Variants in SLC35D4 observed in about 807,000 individuals in gnomAD.
SLC35D4 encodes the protein UDP-N-acetylglucosamine transporter SLC35D4.
chr18:23,352,312 T>G, the SLC35D4 span: 10 of 1,589,968 alleles, frequency 6.3e-6, no homozygotes, highest in East Asian at 2.3e-4. Context: ...AAGATTCTCT[T>G]GTTAGTGAGG....
At chr18:23,411,479 G>GAGACAGAAAGAAAGAA in the SLC35D4 span, among the ~76,000 whole-genome samples, 1 of 72,778 alleles carries the variant, frequency 1.4e-5, no homozygotes, top group African/African-American at 4.8e-5. Flanking sequence ...AAGAAAGAAA[G>GAGACAGAAAGAAAGAA]AGATAGAAAG....
chr18:23,349,211 T>C, the SLC35D4 span, among the ~76,000 whole-genome samples: 2 of 152,262 alleles, frequency 1.3e-5, no homozygotes, highest in South Asian at 2.1e-4. Context: ...TTTCAACAAA[T>C]TGATTTCTTC....
chr18:23,274,961 TTG>T, the SLC35D4 span, among the ~76,000 whole-genome samples: 4 of 150,448 alleles, frequency 2.7e-5, no homozygotes, highest in African/African-American at 4.9e-5. Flanking sequence ...ATATGTGTGC[TTG>T]TGTGTGCGCT....
At chr18:23,431,810 AT>A in the SLC35D4 span, among the ~76,000 whole-genome samples, 4 of 152,026 alleles carry the variant, frequency 2.6e-5, no homozygotes, top group Non-Finnish European at 5.9e-5. Flanking sequence ...TATCTTTTCC[AT>A]TTTTTTCCTA....
chr18:23,291,440 C>T, the SLC35D4 span, among the ~76,000 whole-genome samples: 1 of 152,220 alleles, frequency 6.6e-6, no homozygotes, highest in African/African-American at 2.4e-5. Context: ...GCTTTTGTGG[C>T]AGGAATTCAT....
chr18:23,416,303 C>T, the SLC35D4 span, among the ~76,000 whole-genome samples: 2 of 152,134 alleles, frequency 1.3e-5, no homozygotes, highest in Non-Finnish European at 2.9e-5. Context: ...CCTATGCTGC[C>T]CAGTCTTAAC....
the SLC35D4 span, among the ~76,000 whole-genome samples, chr18:23,263,124 C>G: frequency 6.6e-6 from 1 of 152,196 alleles, no homozygotes; most frequent in Non-Finnish European, 1.5e-5. Flanking sequence ...GCCAATGACA[C>G]ACGATTATGA....
the SLC35D4 span, among the ~76,000 whole-genome samples, chr18:23,367,403 G>A: frequency 6.6e-6 from 1 of 152,184 alleles, no homozygotes; most frequent in Non-Finnish European, 1.5e-5. Flanking sequence ...AGAGGTTGCA[G>A]AGGGTGGGGG....
chr18:23,336,813 A>T, the SLC35D4 span, among the ~76,000 whole-genome samples: 2 of 152,308 alleles, frequency 1.3e-5, no homozygotes, highest in East Asian at 1.9e-4. Flanking sequence ...AGACAGTAAC[A>T]GGCTCCCCAC....
the SLC35D4 span, among the ~76,000 whole-genome samples, chr18:23,303,148 A>T: frequency 2.6e-5 from 4 of 152,176 alleles, no homozygotes; most frequent in Non-Finnish European, 5.9e-5. Flanking sequence ...ACGCTTGAAC[A>T]CGCCTAGTAT....
chr18:23,400,262 CA>C, the SLC35D4 span, among the ~76,000 whole-genome samples: 1 of 152,188 alleles, frequency 6.6e-6, no homozygotes, highest in Admixed American at 6.5e-5. Flanking sequence ...AATTTAGAAT[CA>C]AAATCCTAGT....
chr18:23,413,602 A>G, the SLC35D4 span, among the ~76,000 whole-genome samples: 6 of 152,236 alleles, frequency 3.9e-5, no homozygotes, highest in African/African-American at 1.4e-4. Flanking sequence ...CTGCAGGAAA[A>G]GCACAGAACA....
the SLC35D4 span, among the ~76,000 whole-genome samples, chr18:23,361,348 A>C: frequency 1.3e-5 from 2 of 152,128 alleles, no homozygotes; most frequent in African/African-American, 2.4e-5. Flanking sequence ...GTAATAAGCA[A>C]GTGAAAAAGA....
chr18:23,353,322 A>T, the SLC35D4 span, among the ~76,000 whole-genome samples: 2 of 152,134 alleles, frequency 1.3e-5, no homozygotes, highest in Admixed American at 6.5e-5. Context: ...ATCTGACCTT[A>T]TACAGGCACT....
At chr18:23,377,522 T>G in the SLC35D4 span, 7 of 850,814 alleles carry the variant, frequency 8.2e-6, no homozygotes, top group Admixed American at 1.4e-4. Flanking sequence ...TAGGGATATA[T>G]GAATGTTTAT....
At chr18:23,380,868 A>G in the SLC35D4 span, among the ~76,000 whole-genome samples, 1 of 152,138 alleles carries the variant, frequency 6.6e-6, no homozygotes, top group Non-Finnish European at 1.5e-5. Flanking sequence ...AATGAACTCT[A>G]CAGCTCCAGA....
the SLC35D4 span, among the ~76,000 whole-genome samples, chr18:23,315,321 T>C: frequency 3.3e-5 from 5 of 152,136 alleles, no homozygotes; most frequent in Admixed American, 2.0e-4. Context: ...TAATTCCTAC[T>C]CACCATTCAA....
the SLC35D4 span, among the ~76,000 whole-genome samples, chr18:23,338,573 A>C: frequency 3.3e-5 from 5 of 152,156 alleles, no homozygotes; most frequent in African/African-American, 1.2e-4. Context: ...GCTGGGTTCA[A>C]ATTAAGTCTT....
chr18:23,265,255 G>A, the SLC35D4 span, among the ~76,000 whole-genome samples: 1 of 152,108 alleles, frequency 6.6e-6, no homozygotes, highest in Admixed American at 6.5e-5. Context: ...ACTGGGGTGT[G>A]TGTTCCACGG....
Sources: allele counts gnomAD v4.1 joint callset (sites outside exome capture counted in the v4.1 genomes callset), GRCh38; gene constraint gnomAD v4.1.1; transcripts MANE v1.5; gene names NCBI Gene and HGNC (gene_info 2026-07-23, HGNC 2026-07-21).